CARS2: variants seen among roughly 807,000 people sequenced by gnomAD.
CARS2 encodes the protein cysteinyl-tRNA synthetase 2, mitochondrial, also known as probable cysteine--tRNA ligase, mitochondrial.
CARS2 carries 52 observed loss-of-function variants against 68.8 expected under a neutral mutation model. That is an observed-to-expected ratio of 0.76 (90% CI 0.61 to 0.95). The LOEUF is 0.95. Ranked by LOEUF, CARS2 falls within the 40% of genes least tolerant of loss-of-function variation. The pLI is 0.00. For missense variants in CARS2, 780 were observed against 754.2 expected, an observed-to-expected ratio of 1.03 and a Z score of -0.40; for synonymous variants, 314 against 303.6, an observed-to-expected ratio of 1.03 and a Z score of -0.36.
intron 6 of CARS2, among the ~76,000 whole-genome samples, chr13:110,679,282 C>A (rs1489506496): frequency 6.6e-6 from 1 of 151,972 alleles, no homozygotes; most frequent in Admixed American, 6.6e-5. Flanking sequence ...AGAATCCCAG[C>A]ACTTTGGGAG....
Position 110,676,564 on chromosome 13 carries a change from C to G in CARS2, c.785+410G>C, listed in dbSNP as rs1282190673. Among the ~76,000 whole-genome samples, 2 of 152,112 alleles carry G rather than the reference C, an allele frequency of 1.3e-5. No individual in the cohort carries two copies. Among genetic ancestry groups the G allele is most frequent in the East Asian group, 3.9e-4 (2 of 5,172 alleles). ...CTGGAGATTTCCGCCACAGAGCACC[C>G]TGGCATGCGAGTTGCCTGAGCTAGA... On this transcript the variant is annotated intron_variant, in intron 7 of 14. Transcript: ENST00000257347. This position sits in a 1 kb window ranked among gnomAD's most constrained non-coding sequence, Gnocchi z 4.0.
In CARS2 at chr13:110,668,198, C is replaced by T. The variant is rs548464976; in HGVS notation, c.786-725G>A. ...AAGCACTGCACACGGAGGTCTCGAG[C>T]CTGGGGAAACAGGCATCACAGAAAC... On this transcript the variant is annotated intron_variant, in intron 7 of 14. Transcript: ENST00000257347. This position sits in a 1 kb window ranked among gnomAD's most constrained non-coding sequence, Gnocchi z 4.1. 2.0e-5 allele frequency among the ~76,000 whole-genome samples: 3 copies of T among 152,320 alleles called. No individual in the cohort carries two copies. The highest frequency in any genetic ancestry group is 1.3e-4 in the Admixed American group (2 of 15,304).
intron 3 of CARS2, among the ~76,000 whole-genome samples, chr13:110,692,003 A>ATAT (rs1348225099): frequency 0.04 from 3,685 of 91,228 alleles, 135 homozygotes; most frequent in Non-Finnish European, 0.058. Flanking sequence ...AAAAAAAAAA[A>ATAT]ATATATATAT....
At chr13:110,660,071 T>A (rs2062463609) in intron 9 of CARS2, among the ~76,000 whole-genome samples, 1 of 152,244 alleles carries the variant, frequency 6.6e-6, no homozygotes, top group African/African-American at 2.4e-5. Context: ...TTCAACAATG[T>A]CCACAGCATC....
At chr13:110,711,836 A>G (rs2064030962) in intron 1 of CARS2, among the ~76,000 whole-genome samples, 2 of 152,230 alleles carry the variant, frequency 1.3e-5, no homozygotes, top group Admixed American at 6.5e-5. Flanking sequence ...TCCATAGCAC[A>G]AAATACCCGG....
rs1172652143 is a variant in CARS2 at position 110,705,268 on chromosome 13, A to G, written c.275+253T>C. Among the ~76,000 whole-genome samples, 3 of 152,140 alleles carry G rather than the reference A, an allele frequency of 2.0e-5. No individual in the cohort carries two copies. Among genetic ancestry groups the G allele is most frequent in the Admixed American group, 6.5e-5 (1 of 15,280 alleles). ...CTTGATGTCACTAAACCCAGCAAAA[A>G]ACATCTAGTTCCAAAACGGGTCATT... On this transcript the variant is annotated intron_variant, in intron 2 of 14. Transcript: ENST00000257347. This position sits in a 1 kb window ranked among gnomAD's most constrained non-coding sequence, Gnocchi z 4.0.
chr13:110,647,299 C>A, intron 10 of CARS2, 60 bp from the exon 11 acceptor site: 1 of 1,567,846 alleles, frequency 6.4e-7, no homozygotes, highest in Non-Finnish European at 8.7e-7. Context: ...CTGCCCTGGT[C>A]CAGCAGAATC....
chr13:110,696,983 G>T (rs1453052569), intron 3 of CARS2, among the ~76,000 whole-genome samples: 1 of 152,174 alleles, frequency 6.6e-6, no homozygotes, highest in Admixed American at 6.5e-5. Context: ...CCCCTGCGGG[G>T]CCCTTTCTCT....
chr13:110,713,011 AAAG>A, intron 1 of CARS2: 1 of 1,530,204 alleles, frequency 6.5e-7, no homozygotes, highest in African/African-American at 1.4e-5. Context: ...GCCGCAGCTC[AAAG>A]GACACCGAGA....
chr13:110,651,978 G>A lies in CARS2; in HGVS notation c.988-878C>T, dbSNP rs1208668188. ...TCCGACTGCACCCCTGGCCAGGGAC[G>A]CGCTCCGACGGGAGCCCGAGTGGCT... On this transcript the variant is annotated intron_variant, in intron 9 of 14. Coordinates refer to ENST00000257347, the MANE Select transcript of CARS2 (RefSeq NM_024537.4). Among the ~76,000 whole-genome samples, 6 of 152,240 alleles carry A rather than the reference G, an allele frequency of 3.9e-5. No homozygotes were observed. In the South Asian group the frequency reaches 6.2e-4, roughly 16 times the overall value.
chr13:110,643,738 T>C, intron 13 of CARS2: 1 of 165,062 alleles, frequency 6.1e-6, no homozygotes, highest in Non-Finnish European at 1.3e-5. Context: ...AAAGTGATGG[T>C]GGGGACTTTA....
At chr13:110,651,477 G>A (rs1263837643) in intron 9 of CARS2, among the ~76,000 whole-genome samples, 1 of 152,152 alleles carries the variant, frequency 6.6e-6, no homozygotes, top group African/African-American at 2.4e-5. Flanking sequence ...GGTAGGTGGC[G>A]GGAGGCACAC....
At position 110,648,876 on chromosome 13, in the gene CARS2, A is replaced by G. The variant is rs567337141; in HGVS notation, c.1055-1637T>C. The stretch of plus-strand genomic sequence containing the variant: ...AGATGCTGCCCCTAATCCTGCCACA[A>G]TCTGCGAGAAGGGAGGCGGGGCTTC... On this transcript the variant is annotated intron_variant, in intron 10 of 14. Coordinates refer to ENST00000257347, the MANE Select transcript of CARS2 (RefSeq NM_024537.4). 5 of 152,274 alleles carry G rather than the reference A, an allele frequency of 3.3e-5. No homozygotes were observed. In the East Asian group the frequency reaches 9.7e-4, roughly 29 times the overall value. 9.4% of individuals were successfully genotyped at this position (152,274 alleles called of 1,614,324 possible).
intron 9 of CARS2, among the ~76,000 whole-genome samples, chr13:110,656,419 A>C (rs1244147205): frequency 6.6e-6 from 1 of 152,228 alleles, no homozygotes; most frequent in Non-Finnish European, 1.5e-5. Context: ...CCGCGAGTGT[A>C]TGTTCAGACC....
chr13:110,693,626 T>G (rs550919367), intron 3 of CARS2, among the ~76,000 whole-genome samples: 1 of 152,188 alleles, frequency 6.6e-6, no homozygotes, highest in Non-Finnish European at 1.5e-5. Context: ...CCCAAAATGC[T>G]GGGATTACAG....
upstream of CARS2, among the ~76,000 whole-genome samples, chr13:110,709,553 T>C (rs566313504): frequency 6.6e-6 from 1 of 152,324 alleles, no homozygotes; most frequent in South Asian, 2.1e-4. Context: ...TCTTCATTAC[T>C]ATACCTCCCA....
chr13:110,713,320 C>T (rs896154385), exon 1 of CARS2: 5 of 1,154,196 alleles, frequency 4.3e-6, no homozygotes, highest in Non-Finnish European at 5.4e-6. Flanking sequence ...TCGGAGGTTT[C>T]TGTCCCGCGG....
upstream of CARS2, among the ~76,000 whole-genome samples, chr13:110,708,187 A>T (rs4773239): frequency 0.84 from 128,151 of 151,984 alleles, 54,379 homozygotes; most frequent in South Asian, 0.92. Flanking sequence ...GAAAAAAAAA[A>T]TTTAGAAGAA....
At chr13:110,690,610 C>A (rs2063430933) in intron 3 of CARS2, among the ~76,000 whole-genome samples, 1 of 152,220 alleles carries the variant, frequency 6.6e-6, no homozygotes, top group Non-Finnish European at 1.5e-5. Context: ...TGTCCCGATG[C>A]ACATCCCATC....
Sources: gnomAD v4.1 joint callset for allele counts (sites outside exome capture counted in the v4.1 genomes callset) on GRCh38, gnomAD v4.1.1 for gene constraint, Gnocchi (gnomAD v3.1) non-coding constraint, MANE v1.5 for transcripts, NCBI Gene and HGNC (gene_info 2026-07-23, HGNC 2026-07-21) for gene names.